Variants in DENND1B observed in about 807,000 individuals in gnomAD.
DENND1B encodes DENN domain containing 1B.
In DENND1B, 59 loss-of-function variants were observed where a neutral mutation model predicts 90.1. The observed-to-expected ratio is 0.65, with a 90% CI of 0.53 to 0.81. The LOEUF is 0.81. DENND1B is among the 40% of genes least tolerant of loss of function. The probability of loss-of-function intolerance (pLI) is 0.00; values close to 1 mark genes in which losing one functional copy is unlikely to be tolerated. For missense variants in DENND1B, 862 were observed against 912.6 expected, an observed-to-expected ratio of 0.94 and a Z score of 0.71; for synonymous variants, 337 against 324.6, an observed-to-expected ratio of 1.04 and a Z score of -0.41.
chr1:197,746,771 T>C, intron 2 of DENND1B: 2 of 1,465,194 alleles, frequency 1.4e-6, no homozygotes, highest in East Asian at 2.3e-5. Context: ...CATGTCACTT[T>C]GGGTTTCCCA....
intron 14 of DENND1B, among the ~76,000 whole-genome samples, chr1:197,592,108 CA>C (rs71286564): frequency 0.016 from 873 of 55,734 alleles, 2 homozygotes; most frequent in Middle Eastern, 0.04. Context: ...GATTCCATCT[CA>C]AAAAAAAAAA....
chr1:197,636,044 A>G (rs1308944293), intron 10 of DENND1B, among the ~76,000 whole-genome samples: 7 of 152,050 alleles, frequency 4.6e-5, no homozygotes, highest in Non-Finnish European at 8.8e-5. Context: ...TGTGGACTAT[A>G]AGTAATCGAA....
At chr1:197,515,789 G>C (rs1340328904) in intron 20 of DENND1B, among the ~76,000 whole-genome samples, 1 of 151,662 alleles carries the variant, frequency 6.6e-6, no homozygotes, top group Non-Finnish European at 1.5e-5. Context: ...CAATAAATCT[G>C]GAGTTATTCC....
At chr1:197,620,258 TAAATA>T (rs1318251176) in intron 10 of DENND1B, among the ~76,000 whole-genome samples, 1 of 151,188 alleles carries the variant, frequency 6.6e-6, no homozygotes, top group Non-Finnish European at 1.5e-5. Context: ...AAGTTGCAAG[TAAATA>T]AAATAAAACA....
At chr1:197,750,570 CTAGA>C (rs57505824) in intron 2 of DENND1B, among the ~76,000 whole-genome samples, 17,365 of 149,158 alleles carry the variant, frequency 0.12, 1,041 homozygotes, top group Non-Finnish European at 0.14. Flanking sequence ...AAAAGCAAAC[CTAGA>C]TAGATAGATA....
At chr1:197,725,867 T>C (rs1481334490) in intron 2 of DENND1B, among the ~76,000 whole-genome samples, 1 of 151,984 alleles carries the variant, frequency 6.6e-6, no homozygotes, top group Admixed American at 6.6e-5. Flanking sequence ...GGCTTCTGTG[T>C]TGAGTATAAA....
chr1:197,653,220 A>G (rs555878062), intron 6 of DENND1B, among the ~76,000 whole-genome samples: 2 of 152,222 alleles, frequency 1.3e-5, no homozygotes, highest in Admixed American at 1.3e-4. Flanking sequence ...AACAAAAACA[A>G]TGTATTTCTT....
chr1:197,777,319 A>G (rs1657319556), upstream of DENND1B, among the ~76,000 whole-genome samples: 1 of 152,232 alleles, frequency 6.6e-6, no homozygotes, highest in African/African-American at 2.4e-5. Flanking sequence ...ACCCTTGAAC[A>G]GTATAAAATT....
chr1:197,582,964 G>C (rs939738939), intron 15 of DENND1B, among the ~76,000 whole-genome samples, 188 bp downstream of exon 15: 15 of 152,244 alleles, frequency 9.9e-5, no homozygotes, highest in African/African-American at 3.4e-4. Flanking sequence ...ATTTTTAATA[G>C]CAAAGTTATT....
chr1:197,627,002 C>T (rs574153692), intron 10 of DENND1B, among the ~76,000 whole-genome samples: 10 of 152,238 alleles, frequency 6.6e-5, no homozygotes, highest in Non-Finnish European at 1.2e-4. Context: ...TCTGAATAGA[C>T]CAATAACAGG....
intron 7 of DENND1B, among the ~76,000 whole-genome samples, 196 bp downstream of exon 7, chr1:197,652,039 C>G (rs544855106): frequency 6.6e-6 from 1 of 152,166 alleles, no homozygotes; most frequent in East Asian, 1.9e-4. Context: ...ATTCAACACA[C>G]CTGATATATG....
chr1:197,682,029 T>C (rs1012864369), intron 3 of DENND1B, among the ~76,000 whole-genome samples: 3 of 151,998 alleles, frequency 2.0e-5, no homozygotes, highest in Admixed American at 2.0e-4. Context: ...CTAAACTGCT[T>C]GTTTTCCCGA....
In DENND1B at chr1:197,613,383, T is replaced by C. The variant is rs559153836; in HGVS notation, c.774-1407A>G. Among the ~76,000 whole-genome samples the C allele has an allele frequency of 4.6e-5, 7 of 151,018 alleles. No homozygotes were observed. The East Asian group carries it at 1.4e-3, about 29-fold the overall frequency. On this transcript the variant is annotated intron_variant, in intron 11 of 22. Transcript: ENST00000620048. ...TACTTCTTATTGTACTAGATTCTAA[T>C]TCCCAGTTGTCTTTGCCCTTTGTAG...
chr1:197,774,416 A>G (rs1657007874), intron 1 of DENND1B: 1 of 152,224 alleles, frequency 6.6e-6, no homozygotes, highest in South Asian at 2.1e-4. Context: ...GTTTCAGAAG[A>G]AAAATATAAA....
Position 197,510,599 on chromosome 1 carries a change from T to A in DENND1B, c.2189A>T (p.Glu730Val). The change falls in exon 23 of 23, where the codon GAG (glutamate) becomes GTG (valine). Residue 730 changes from glutamate (E) to valine (V), a missense_variant. Coordinates refer to ENST00000620048, the MANE Select transcript of DENND1B (RefSeq NM_001195215.2). Reference protein sequence around the residue: ...GRHSSTFVPWEKEGKEAKETS... With the variant: ...GRHSSTFVPWVKEGKEAKETS... ...CTCTTTGGCTTCTTTCCCTTCTTTC[T>A]CCCAAGGAACAAAAGTCGATGAATG... 6.2e-7 allele frequency: 1 copy of A among 1,612,728 alleles called. No homozygotes were observed. The highest frequency in any genetic ancestry group is 8.5e-7 in the Non-Finnish European group (1 of 1,179,182).
chr1:197,641,286 A>C (rs778853779), intron 10 of DENND1B, among the ~76,000 whole-genome samples: 1 of 152,176 alleles, frequency 6.6e-6, no homozygotes, highest in Non-Finnish European at 1.5e-5. Flanking sequence ...AAAAAAAATC[A>C]TGTTTAAAAA....
At chr1:197,726,919 C>T (rs1661690771) in intron 2 of DENND1B, among the ~76,000 whole-genome samples, 1 of 152,028 alleles carries the variant, frequency 6.6e-6, no homozygotes, top group Admixed American at 6.6e-5. Context: ...ATAAAATGAA[C>T]ACAACATAGC....
intron 10 of DENND1B, among the ~76,000 whole-genome samples, chr1:197,634,545 A>C (rs889662126): frequency 6.6e-6 from 1 of 152,254 alleles, no homozygotes; most frequent in African/African-American, 2.4e-5. Context: ...CATAACTGCA[A>C]TACAAATCCA....
At chr1:197,669,066 T>C (rs1366996730) in intron 5 of DENND1B, among the ~76,000 whole-genome samples, 1 of 152,148 alleles carries the variant, frequency 6.6e-6, no homozygotes, top group Non-Finnish European at 1.5e-5. Flanking sequence ...ATTTTTCTTA[T>C]TAACTTGTAG....
Sources: gnomAD v4.1 joint callset for allele counts (sites outside exome capture counted in the v4.1 genomes callset) on GRCh38, gnomAD v4.1.1 for gene constraint, MANE v1.5 for transcripts, NCBI Gene and HGNC (gene_info 2026-07-23, HGNC 2026-07-21) for gene names.